ANKRD37: variants seen among roughly 807,000 people sequenced by gnomAD.
ANKRD37 encodes ankyrin repeat domain-containing protein 37.
In ANKRD37, 17 loss-of-function variants were observed where a neutral mutation model predicts 19.7. The ratio of observed to expected loss-of-function variants is 0.86; its 90% CI spans 0.59 to 1.29. The LOEUF is 1.29. Ranked by LOEUF, ANKRD37 falls within the 50% of genes most tolerant of loss-of-function variation. The probability of loss-of-function intolerance (pLI) is 0.00; values close to 1 mark genes in which losing one functional copy is unlikely to be tolerated. For missense variants in ANKRD37, 207 were observed against 190.4 expected, an observed-to-expected ratio of 1.09 and a Z score of -0.51; for synonymous variants, 79 against 74.5, an observed-to-expected ratio of 1.06 and a Z score of -0.31.
chr4:185,400,623 A>T (rs576987534), downstream of ANKRD37: 119 of 519,790 alleles, frequency 2.3e-4, no homozygotes, highest in Non-Finnish European at 3.8e-4. Flanking sequence ...TCCTACTAGC[A>T]TAGAAAAGTA....
At position 185,400,212 on chromosome 4, in the gene ANKRD37, T is replaced by C. The variant is rs917955905; in HGVS notation, c.*195T>C. The stretch of plus-strand genomic sequence containing the variant: ...ATATGCTGGTTGTGTATGCTTTGTC[T>C]TTTAAGTTATTAAAGGAACGTCTAA... On this transcript the variant is annotated 3_prime_UTR_variant, in exon 5 of 5. Coordinates refer to ENST00000335174, the MANE Select transcript of ANKRD37 (RefSeq NM_181726.4). 1 of 705,616 alleles carries C rather than the reference T, an allele frequency of 1.4e-6. No individual in the cohort carries two copies. The highest frequency in any genetic ancestry group is 2.3e-6 in the Non-Finnish European group (1 of 432,134). The allele number at this position is 705,616 out of a possible 1,614,324, so 43.7% of individuals were successfully genotyped here.
At chr4:185,400,399 A>C, downstream of ANKRD37, 1 of 1,612,528 alleles carries the variant, frequency 6.2e-7, no homozygotes, top group Non-Finnish European at 8.5e-7. Flanking sequence ...ATTTTAAATC[A>C]TATTTGGTCG....
Position 185,400,165 on chromosome 4 carries a change from C to G in ANKRD37, c.*148C>G. 2 of 794,434 alleles carry G rather than the reference C, an allele frequency of 2.5e-6. No homozygotes were observed. The highest frequency in any genetic ancestry group is 4.0e-6 in the Non-Finnish European group (2 of 502,658). The allele number at this position is 794,434 out of a possible 1,614,324, so 49.2% of individuals were successfully genotyped here. A position where few individuals can be genotyped will look rare whatever the true frequency, so the allele number is the denominator to read the frequency against. On this transcript the variant is annotated 3_prime_UTR_variant, in exon 5 of 5. Transcript: ENST00000335174. ...TTCCAAGTGAAGATCCATTTAAGAA[C>G]ACATGTATTTACATGCCTATAATAT...
In ANKRD37 at chr4:185,399,861, G is replaced by A. The variant is rs1475776700; in HGVS notation, c.476+88G>A. 13 of 1,564,542 alleles carry A rather than the reference G, an allele frequency of 8.3e-6. No homozygotes were observed. The East Asian group carries it at 1.1e-4, about 14-fold the overall frequency. On this transcript the variant is annotated intron_variant, in intron 4 of 4. Transcript: ENST00000335174. ...ATTATTCCATTTAATACTGACACTCGTATTTCTAGTAGTATTGTTTCATTC... is the reference window on the plus strand; with the variant it reads ...ATTATTCCATTTAATACTGACACTCATATTTCTAGTAGTATTGTTTCATTC...
chr4:185,398,552 G>A (rs1470943260), intron 2 of ANKRD37, among the ~76,000 whole-genome samples: 6 of 152,164 alleles, frequency 3.9e-5, no homozygotes, highest in African/African-American at 1.4e-4. Flanking sequence ...CTAGAATGCT[G>A]AAGTTATAAT....
chr4:185,400,485 A>G (rs1561104891), downstream of ANKRD37: 1 of 1,606,336 alleles, frequency 6.2e-7, no homozygotes, highest in Non-Finnish European at 8.5e-7. Flanking sequence ...AGCCCTGGAT[A>G]GAGAAGACGG....
At chr4:185,399,950 G>A in intron 4 of ANKRD37, 67 bp from the exon 5 acceptor site, 2 of 1,575,108 alleles carry the variant, frequency 1.3e-6, no homozygotes, top group Non-Finnish European at 1.7e-6. Flanking sequence ...GGACTGCATG[G>A]TGGAAGTTTG....
intron 4 of ANKRD37, 112 bp downstream of exon 4, chr4:185,399,885 T>C: frequency 6.5e-7 from 1 of 1,543,792 alleles, no homozygotes; most frequent in Non-Finnish European, 8.7e-7. Flanking sequence ...ATTGTTTCAT[T>C]CTCATTAACA....
At position 185,400,042 on chromosome 4, in the gene ANKRD37, T is replaced by G. The variant is rs199667874; in HGVS notation, c.*25T>G. On this transcript the variant is annotated 3_prime_UTR_variant, in exon 5 of 5. Coordinates refer to ENST00000335174, the MANE Select transcript of ANKRD37 (RefSeq NM_181726.4). The stretch of plus-strand genomic sequence containing the variant: ...ATGTCACGTGGGTTATGAAGAAGTC[T>G]GAAGAACGCCTTCATTTCATGCAAA... 8.3e-6 allele frequency: 13 copies of G among 1,574,070 alleles called. No individual in the cohort carries two copies. Among genetic ancestry groups the G allele is most frequent in the Non-Finnish European group, 1.1e-5 (13 of 1,150,970 alleles).
intron 2 of ANKRD37, 21 bp from the exon 3 acceptor site, chr4:185,398,913 TAAA>T: frequency 6.2e-7 from 1 of 1,601,404 alleles, no homozygotes; most frequent in South Asian, 1.1e-5. Flanking sequence ...TGGGAGACTC[TAAA>T]ATGCACCATC....
intron 2 of ANKRD37, 121 bp from the exon 3 acceptor site, chr4:185,398,816 T>A: frequency 2.2e-6 from 1 of 461,408 alleles, no homozygotes; most frequent in Non-Finnish European, 3.6e-6. Flanking sequence ...AAAAAAAAAT[T>A]CCCTGTCCAG....
At chr4:185,398,021 G>A (rs555776623) in intron 2 of ANKRD37, among the ~76,000 whole-genome samples, 1 of 152,300 alleles carries the variant, frequency 6.6e-6, no homozygotes, top group East Asian at 1.9e-4. Context: ...GCAATGGCGC[G>A]ATCTCGGCTC....
chr4:185,396,871 T>C lies in ANKRD37; in HGVS notation c.-53T>C, dbSNP rs901698461. ...TTCTTACCTGTCGGGGTGCGGCGAG[T>C]GTCTCACCTCTCTGCACTTCCAAGG... On this transcript the variant is annotated 5_prime_UTR_variant, in exon 1 of 5. Transcript: ENST00000335174. 1.9e-6 allele frequency: 3 copies of C among 1,595,984 alleles called. No homozygotes were observed. Among genetic ancestry groups the C allele is most frequent in the Non-Finnish European group, 2.6e-6 (3 of 1,166,960 alleles).
Position 185,397,142 on chromosome 4 carries a change from T to G in ANKRD37, c.28-8T>G. On this transcript the variant is annotated splice_region_variant and splice_polypyrimidine_tract_variant and intron_variant, in intron 1 of 4. Coordinates refer to ENST00000335174, the MANE Select transcript of ANKRD37 (RefSeq NM_181726.4). ...GGGAAGGGTGCTGGATCTGTTCTCT[T>G]CCTGCAGGTGGATGGTCTGAAGCAT... 6.2e-7 allele frequency: 1 copy of G among 1,613,190 alleles called. No individual in the cohort carries two copies. Among genetic ancestry groups the G allele is most frequent in the East Asian group, 2.2e-5 (1 of 44,882 alleles).
At chr4:185,397,490 G>A in intron 2 of ANKRD37, 188 bp downstream of exon 2, 1 of 754,322 alleles carries the variant, frequency 1.3e-6, no homozygotes, top group Non-Finnish European at 1.9e-6. Flanking sequence ...GAGGACATGA[G>A]AAATTTGAAG....
At chr4:185,397,416 T>C (rs2095506229) in intron 2 of ANKRD37, 114 bp downstream of exon 2, 1 of 1,313,594 alleles carries the variant, frequency 7.6e-7, no homozygotes. Context: ...ATAGCAGCGA[T>C]GTCCAACAGA....
chr4:185,397,185 C>T lies in ANKRD37; in HGVS notation c.63C>T (p.Ala21=), dbSNP rs1348457609. 1.2e-6 allele frequency: 2 copies of T among 1,613,826 alleles called. No homozygotes were observed. Among genetic ancestry groups the T allele is most frequent in the South Asian group, 2.2e-5 (2 of 91,068 alleles). ...DGLKHLLETG[A]SVNAPPDPCK... Reference sequence around the variant, plus strand: ...TGAAGCATTTGCTGGAGACAGGGGCCTCGGTCAACGCACCCCCGGATCCCT... The same window carrying T: ...TGAAGCATTTGCTGGAGACAGGGGCTTCGGTCAACGCACCCCCGGATCCCT... The change falls in exon 2 of 5, where the codon GCC becomes GCT. Residue 21 remains alanine, a synonymous_variant. Transcript: ENST00000335174.
chr4:185,398,263 T>A (rs1297109709), intron 2 of ANKRD37, among the ~76,000 whole-genome samples: 1 of 152,232 alleles, frequency 6.6e-6, no homozygotes, highest in African/African-American at 2.4e-5. Context: ...CAGCCACACA[T>A]TTTTATTAAT....
At chr4:185,399,907 G>A (rs1413675005) in intron 4 of ANKRD37, 110 bp from the exon 5 acceptor site, 5 of 1,543,324 alleles carry the variant, frequency 3.2e-6, no homozygotes, top group East Asian at 2.3e-5. Context: ...TTTAGTACTG[G>A]TTATACTTAC....
Sources: allele counts gnomAD v4.1 joint callset (sites outside exome capture counted in the v4.1 genomes callset), GRCh38; gene constraint gnomAD v4.1.1; transcripts MANE v1.5; gene names NCBI Gene and HGNC (gene_info 2026-07-23, HGNC 2026-07-21).